The following GNAT3 variants were observed in gnomAD, a reference collection of about 807,000 sequenced individuals.
GNAT3 encodes guanine nucleotide-binding protein G(t) subunit alpha-3.
In GNAT3, 31 loss-of-function variants were observed where a neutral mutation model predicts 37.7. The observed-to-expected ratio is 0.82, with a 90% CI of 0.62 to 1.11. The LOEUF (loss-of-function observed/expected upper bound fraction) is 1.11. GNAT3 is among the 50% of genes most tolerant of loss of function. The pLI is 0.00. For missense variants in GNAT3, 437 were observed against 412.5 expected (o/e 1.06, Z -0.51); for synonymous variants, 138 against 139.8 (o/e 0.99, Z 0.09).
intron 5 of GNAT3, among the ~76,000 whole-genome samples, chr7:80,473,511 ATTAG>A (rs1291634941): frequency 1.3e-5 from 2 of 152,056 alleles, no homozygotes; most frequent in African/African-American, 4.8e-5. Flanking sequence ...GAGTAATTTT[ATTAG>A]TTATATTTTT....
intron 3 of GNAT3, among the ~76,000 whole-genome samples, chr7:80,480,231 G>A (rs1790371812): frequency 6.6e-6 from 1 of 152,042 alleles, no homozygotes; most frequent in East Asian, 1.9e-4. Context: ...CCCTCCTAGT[G>A]CATATTATTA....
At chr7:80,477,442 A>G (rs1584176038) in intron 4 of GNAT3, among the ~76,000 whole-genome samples, 2 of 152,302 alleles carry the variant, frequency 1.3e-5, no homozygotes, top group South Asian at 2.1e-4. Flanking sequence ...AAGTTATTCA[A>G]GTTGATATAA....
At chr7:80,458,938 A>T in intron 7 of GNAT3, 77 bp from the exon 8 acceptor site, 2 of 975,848 alleles carry the variant, frequency 2.0e-6, no homozygotes, top group Non-Finnish European at 3.0e-6. Context: ...ATATCAGCAA[A>T]TTTTAGGATT....
intron 1 of GNAT3, among the ~76,000 whole-genome samples, chr7:80,504,661 A>C: frequency 6.6e-6 from 1 of 152,252 alleles, no homozygotes; most frequent in East Asian, 1.9e-4. Flanking sequence ...TTAGTGGAAC[A>C]AAAATTTTAA....
Position 80,511,861 on chromosome 7 carries a change from C to A in GNAT3, c.66G>T (p.Lys22Asn). ...CATCTCGCTCAGCATCCTCCTGAAG[C>A]TTTTTCTCCAGTTCTTTTGATCTTT... ...SAKRSKELEK[K>N]LQEDAERDAR... is the part of the protein sequence containing the mutation. Residue 22 changes from lysine (K) to asparagine (N), a missense_variant, in exon 1 of 8, where the codon AAG (lysine) becomes AAT (asparagine). Coordinates refer to ENST00000398291, the MANE Select transcript of GNAT3 (RefSeq NM_001102386.3). 1 of 1,612,404 alleles carries A rather than the reference C, an allele frequency of 6.2e-7. No individual in the cohort carries two copies. Among genetic ancestry groups the A allele is most frequent in the Non-Finnish European group, 8.5e-7 (1 of 1,179,010 alleles).
chr7:80,503,381 A>G (rs1336353277), intron 1 of GNAT3, among the ~76,000 whole-genome samples: 1 of 152,210 alleles, frequency 6.6e-6, no homozygotes, highest in Non-Finnish European at 1.5e-5. Context: ...ACTGACACAT[A>G]CAAATAAAAG....
At chr7:80,509,031 C>T (rs148571274) in intron 1 of GNAT3, among the ~76,000 whole-genome samples, 111 of 152,096 alleles carry the variant, frequency 7.3e-4, no homozygotes, top group African/African-American at 2.5e-3. Context: ...TTAAAAGTGT[C>T]ATTCAGACGA....
At chr7:80,470,457 G>A (rs1397959353) in intron 5 of GNAT3, among the ~76,000 whole-genome samples, 1 of 152,170 alleles carries the variant, frequency 6.6e-6, no homozygotes, top group Non-Finnish European at 1.5e-5. Flanking sequence ...CTGACCTCAA[G>A]TAATCCACCA....
At chr7:80,462,346 T>G in intron 6 of GNAT3, 34 bp from the exon 7 acceptor site, 1 of 1,598,696 alleles carries the variant, frequency 6.3e-7, no homozygotes, top group Admixed American at 1.7e-5. Flanking sequence ...TGGGTAGGAT[T>G]ATTATTTGCA....
At chr7:80,511,714 T>C (rs1791067120) in intron 1 of GNAT3, 95 bp downstream of exon 1, 5 of 701,802 alleles carry the variant, frequency 7.1e-6, no homozygotes, top group Admixed American at 2.5e-5. Context: ...ATTTCCCATA[T>C]GATAATACAC....
intron 4 of GNAT3, among the ~76,000 whole-genome samples, chr7:80,475,950 A>G (rs981980159): frequency 3.3e-5 from 5 of 152,096 alleles, no homozygotes; most frequent in African/African-American, 1.2e-4. Context: ...GTATTGGAAA[A>G]AGTACTGGCA....
chr7:80,492,555 T>C (rs1790614688), intron 2 of GNAT3, among the ~76,000 whole-genome samples: 1 of 151,780 alleles, frequency 6.6e-6, no homozygotes, highest in South Asian at 2.1e-4. Flanking sequence ...TTATGTTTTA[T>C]TTTAATTTGT....
At chr7:80,464,008 T>C (rs1360497653) in intron 5 of GNAT3, among the ~76,000 whole-genome samples, 2 of 151,734 alleles carry the variant, frequency 1.3e-5, no homozygotes, top group African/African-American at 4.8e-5. Flanking sequence ...TCATCCTTTA[T>C]TCAATAAATA....
At chr7:80,508,503 T>C (rs1028795217) in intron 1 of GNAT3, among the ~76,000 whole-genome samples, 1 of 152,096 alleles carries the variant, frequency 6.6e-6, no homozygotes, top group African/African-American at 2.4e-5. Context: ...GTTTTTCTTA[T>C]TAAAATGTGC....
At chr7:80,493,742 T>TTCC (rs1484481773) in intron 2 of GNAT3, among the ~76,000 whole-genome samples, 2 of 54,394 alleles carry the variant, frequency 3.7e-5, no homozygotes, top group Admixed American at 4.3e-4. Context: ...CTCCTCCTCT[T>TTCC]TCCTCCTCCA....
rs746905665 is a variant in GNAT3 at position 80,488,569 on chromosome 7, G to A, written c.269C>T (p.Thr90Ile). 1.9e-6 allele frequency: 3 copies of A among 1,601,108 alleles called. No homozygotes were observed. The highest frequency in any genetic ancestry group is 2.2e-5 in the South Asian group (2 of 88,936). The change falls in exon 3 of 8, where the codon ACC becomes ATC. Residue 90 changes from threonine to isoleucine, a missense_variant. Transcript: ENST00000398291. Reference protein sequence around the residue: ...SILAIVKAMTTLGIDYVNPRS... With the variant: ...SILAIVKAMTILGIDYVNPRS... ...GGGATTTACATAATCAATTCCAAGG[G>A]TAGTCATGGCTTTCACAATAGCTAG... is the stretch of plus-strand genomic sequence containing the variant.
chr7:80,506,611 C>G (rs1329897399), intron 1 of GNAT3, among the ~76,000 whole-genome samples: 1 of 152,162 alleles, frequency 6.6e-6, no homozygotes, highest in Non-Finnish European at 1.5e-5. Flanking sequence ...AAAATTTAAA[C>G]TCTCCAAGTA....
At chr7:80,503,568 T>C (rs1206452908) in intron 1 of GNAT3, among the ~76,000 whole-genome samples, 1 of 152,134 alleles carries the variant, frequency 6.6e-6, no homozygotes, top group Non-Finnish European at 1.5e-5. Flanking sequence ...CCAATAGAGA[T>C]AGAGCTAAAA....
chr7:80,476,680 C>T (rs1304120588), intron 4 of GNAT3, among the ~76,000 whole-genome samples: 1 of 151,698 alleles, frequency 6.6e-6, no homozygotes, highest in Non-Finnish European at 1.5e-5. Flanking sequence ...AGAGACCTTG[C>T]TCTATATAAT....
Sources: allele counts gnomAD v4.1 joint callset (sites outside exome capture counted in the v4.1 genomes callset), GRCh38; gene constraint gnomAD v4.1.1; transcripts MANE v1.5; gene names NCBI Gene and HGNC (gene_info 2026-07-23, HGNC 2026-07-21).